C5orf34: variants seen among roughly 807,000 people sequenced by gnomAD.
C5orf34 encodes uncharacterized protein C5orf34.
In C5orf34, 73 loss-of-function variants were observed where a neutral mutation model predicts 78.4. The ratio of observed to expected loss-of-function variants is 0.93; its 90% CI spans 0.77 to 1.13. C5orf34 has a LOEUF of 1.13. C5orf34 is among the 50% of genes most tolerant of loss of function. C5orf34 has a pLI of 0.00. For missense variants in C5orf34, 730 were observed against 732.7 expected (o/e 1.00, Z 0.04); for synonymous variants, 251 against 246.6 (o/e 1.02, Z -0.17).
intron 6 of C5orf34, among the ~76,000 whole-genome samples, chr5:43,502,056 A>C (rs1745779453): frequency 6.6e-6 from 1 of 152,218 alleles, no homozygotes; most frequent in African/African-American, 2.4e-5. Flanking sequence ...TTAATGTACA[A>C]ATATTAATTC....
intron 6 of C5orf34, chr5:43,496,397 T>C (rs1745522606): frequency 6.3e-7 from 1 of 1,595,886 alleles, no homozygotes; most frequent in African/African-American, 1.3e-5. Flanking sequence ...GTGGTGGACT[T>C]GCCCGAATTT....
chr5:43,496,165 T>G, intron 6 of C5orf34: 3 of 1,523,582 alleles, frequency 2.0e-6, no homozygotes, highest in Non-Finnish European at 2.7e-6. Context: ...TTTGATGAAG[T>G]CTCTGAGTCC....
rs755774169 is a variant in C5orf34 at position 43,492,324 on chromosome 5, A to T, written c.1486-15T>A. The T allele has an allele frequency of 6.6e-7, 1 of 1,523,640 alleles. No homozygotes were observed. The highest frequency in any genetic ancestry group is 2.3e-5 in the East Asian group (1 of 44,268). The allele number at this position is 1,523,640 out of a possible 1,614,324, so 94.4% of individuals were successfully genotyped here. ...CCTTGATTTACCTGAAGAAGTAGAA[A>T]GATAAGTTTTATCATTTTAGAACTG... On this transcript the variant is annotated splice_polypyrimidine_tract_variant and intron_variant, in intron 9 of 12. Transcript: ENST00000306862.
At chr5:43,490,529 A>G (rs956284920) in intron 11 of C5orf34, 102 bp downstream of exon 11, 3 of 712,534 alleles carry the variant, frequency 4.2e-6, no homozygotes, top group South Asian at 1.8e-5. Flanking sequence ...CAAAACTAAG[A>G]AAGTTTTTTT....
rs1393392648 is a variant in C5orf34, at chr5:43,487,062, A to C, written c.1770T>G (p.Asn590Lys). ...TATAATGATCAAAAGACTGTTGTTC[A>C]TTTTTCTTGTTAGAAATCTGGTTTA... ...GILNQISNKK[N>K]EQQSFDHYKP... Residue 590 changes from asparagine (N) to lysine (K), a missense_variant, in exon 13 of 13, where the codon AAT becomes AAG. By Grantham distance (94) the Asn-to-Lys change is moderately conservative. Transcript: ENST00000306862. 5.7e-6 allele frequency: 9 copies of C among 1,567,566 alleles called. No individual in the cohort carries two copies. The highest frequency in any genetic ancestry group is 6.9e-6 in the Non-Finnish European group (8 of 1,160,122).
In C5orf34 at chr5:43,489,252, GA is replaced by G. The variant is rs982793034; in HGVS notation, c.1680-1304del. ...TAAGCTAATAATGGAGGGTGTGGCG[GA>G]AAAAAAATACTAGAATACAACTTAG... On this transcript the variant is annotated intron_variant, in intron 11 of 12. Transcript: ENST00000306862. 4.2e-4 allele frequency among the ~76,000 whole-genome samples: 63 copies of G among 151,618 alleles called. 1 individual carries two copies. The highest frequency in any genetic ancestry group is 1.4e-3 in the African/African-American group (59 of 41,392).
intron 6 of C5orf34, 30 bp from the exon 7 acceptor site, chr5:43,494,631 T>C: frequency 6.9e-7 from 1 of 1,439,552 alleles, no homozygotes; most frequent in Non-Finnish European, 9.6e-7. Context: ...AAAAATTTCA[T>C]TAATAATAAA....
In C5orf34 at chr5:43,492,231, G is replaced by C. The variant is rs1328872948; in HGVS notation, c.1564C>G (p.Pro522Ala). 1 of 1,610,436 alleles carries C rather than the reference G, an allele frequency of 6.2e-7. No homozygotes were observed. Among genetic ancestry groups the C allele is most frequent in the East Asian group, 2.2e-5 (1 of 44,722 alleles). ...TTTCAGTACCTTTCATATGGTTCAG[G>C]GTGTTCAATCTGAATTAACTGCTCT... is the stretch of plus-strand genomic sequence containing the variant. ...GQEQLIQIEHPEPYERYVTTV... is the reference protein window; with the variant it reads ...GQEQLIQIEHAEPYERYVTTV... The change falls in exon 10 of 13, where the codon CCT (proline) becomes GCT (alanine). Residue 522 changes from proline (P) to alanine (A), a missense_variant. Physicochemically the swap from Pro to Ala is conservative, Grantham distance 27. Coordinates refer to ENST00000306862, the MANE Select transcript of C5orf34 (RefSeq NM_198566.4).
chr5:43,492,362 TAAAC>T (rs904544070), intron 9 of C5orf34, 53 bp from the exon 10 acceptor site: 9 of 1,139,884 alleles, frequency 7.9e-6, no homozygotes, highest in Admixed American at 4.0e-5. Flanking sequence ...AAAAAGAACA[TAAAC>T]AACCTATTCT....
At chr5:43,487,175 G>T (rs1415842808) in intron 12 of C5orf34, 64 bp from the exon 13 acceptor site, 8 of 722,126 alleles carry the variant, frequency 1.1e-5, no homozygotes, top group Non-Finnish European at 1.7e-5. Context: ...TTTATATACA[G>T]AAAGCATAGG....
intron 5 of C5orf34, 126 bp downstream of exon 5, chr5:43,503,536 CAGG>C (rs1745852068): frequency 1.3e-6 from 1 of 743,912 alleles, no homozygotes; most frequent in Admixed American, 2.2e-5. Flanking sequence ...GGATCAAACA[CAGG>C]AGCACAGTTG....
chr5:43,505,795 A>G lies in C5orf34; in HGVS notation c.885T>C (p.Val295=). The change falls in exon 4 of 13, where the codon GTT becomes GTC. Residue 295 remains valine (V), a synonymous_variant. Transcript: ENST00000306862. ...AGCTGAGTGACAGGGCCCTGGGAAGAACAGAAACCACTTTTCCTCTTTCCT... is the reference window on the plus strand; with the variant it reads ...AGCTGAGTGACAGGGCCCTGGGAAGGACAGAAACCACTTTTCCTCTTTCCT... ...ISEERGKVVS[V]LPRALSLSCP... 1 of 1,606,084 alleles carries G rather than the reference A, an allele frequency of 6.2e-7. No homozygotes were observed.
chr5:43,510,563 G>A (rs1055563252), intron 1 of C5orf34, among the ~76,000 whole-genome samples: 1 of 152,216 alleles, frequency 6.6e-6, no homozygotes, highest in Admixed American at 6.5e-5. Context: ...GCCTCAGCCT[G>A]CCCAGTGCCT....
intron 4 of C5orf34, among the ~76,000 whole-genome samples, chr5:43,504,960 C>G (rs1745916954): frequency 6.6e-6 from 1 of 152,168 alleles, no homozygotes; most frequent in Non-Finnish European, 1.5e-5. Context: ...CTCAATTTTA[C>G]AAGTACTAGC....
intron 4 of C5orf34, among the ~76,000 whole-genome samples, chr5:43,504,243 G>T (rs1022549130): frequency 6.6e-6 from 1 of 151,274 alleles, no homozygotes; most frequent in East Asian, 2.0e-4. Flanking sequence ...GGAGGCGGAG[G>T]TTGCAGTGAG....
intron 3 of C5orf34, among the ~76,000 whole-genome samples, chr5:43,507,632 G>T (rs1484194735): frequency 6.6e-6 from 1 of 152,180 alleles, no homozygotes; most frequent in African/African-American, 2.4e-5. Flanking sequence ...CGGCAGGCAA[G>T]CATCTTGACA....
chr5:43,501,363 C>G (rs539095229), intron 6 of C5orf34, among the ~76,000 whole-genome samples: 5 of 58,886 alleles, frequency 8.5e-5, no homozygotes, highest in African/African-American at 1.7e-4. Flanking sequence ...AGACTGTGAA[C>G]TCTTGAGGGC....
At chr5:43,495,286 A>C in intron 6 of C5orf34, 2 of 1,608,640 alleles carry the variant, frequency 1.2e-6, no homozygotes, top group South Asian at 2.2e-5. Context: ...TCAAGAATTT[A>C]GGGCCATCTT....
At chr5:43,514,509 C>T (rs955486109) in intron 1 of C5orf34, among the ~76,000 whole-genome samples, 1 of 151,874 alleles carries the variant, frequency 6.6e-6, no homozygotes, top group Non-Finnish European at 1.5e-5. Flanking sequence ...TTTACTGAGG[C>T]GGTTTTCTAA....
Sources: allele counts gnomAD v4.1 joint callset (sites outside exome capture counted in the v4.1 genomes callset), GRCh38; gene constraint gnomAD v4.1.1; transcripts MANE v1.5; gene names NCBI Gene and HGNC (gene_info 2026-07-23, HGNC 2026-07-21).